COL11A1: variants seen among roughly 807,000 people sequenced by gnomAD.
The protein encoded by COL11A1 is collagen alpha-1(XI) chain.
COL11A1 carries 74 observed loss-of-function variants against 265.2 expected under a neutral mutation model. The ratio of observed to expected loss-of-function variants is 0.28; its 90% CI spans 0.23 to 0.34. COL11A1 has a LOEUF of 0.34. Among genes scored for constraint, COL11A1 ranks in the 10% least tolerant of loss-of-function variants. COL11A1 has a pLI of 1.00. For missense variants in COL11A1, 2,165 were observed against 2,263.6 expected (o/e 0.96, Z 0.88); for synonymous variants, 816 against 727.6 (o/e 1.12, Z -1.96).
At chr1:102,904,835 G>C (rs1653712870) in intron 54 of COL11A1, among the ~76,000 whole-genome samples, 1 of 152,036 alleles carries the variant, frequency 6.6e-6, no homozygotes, top group African/African-American at 2.4e-5. Context: ...CAGGGATCTA[G>C]AACTAGAAAT....
At chr1:102,989,454 C>A (rs1339970466) in intron 29 of COL11A1, 64 bp downstream of exon 29, 4 of 989,322 alleles carry the variant, frequency 4.0e-6, no homozygotes, top group Non-Finnish European at 4.3e-6. Flanking sequence ...TAAAGATAAG[C>A]AAAGGAAAAA....
chr1:103,079,148 CAGTAAATAT>C (rs773977049), intron 2 of COL11A1, among the ~76,000 whole-genome samples: 2 of 151,992 alleles, frequency 1.3e-5, no homozygotes, highest in Non-Finnish European at 2.9e-5. Flanking sequence ...ATTATGATAC[CAGTAAATAT>C]CAAACACATA....
chr1:103,024,834 T>C (rs999862634), intron 7 of COL11A1, among the ~76,000 whole-genome samples: 2 of 152,148 alleles, frequency 1.3e-5, no homozygotes, highest in Non-Finnish European at 2.9e-5. Context: ...CATTTCCTGA[T>C]AAAATTATAC....
intron 66 of COL11A1, among the ~76,000 whole-genome samples, chr1:102,878,475 C>CATATATATATACATATAT (rs1553191038): frequency 1.8e-4 from 9 of 49,862 alleles, no homozygotes; most frequent in Non-Finnish European, 3.1e-4. Flanking sequence ...ATTGAATCCT[C>CATATATATATACATATAT]ATATATATAT....
In COL11A1 at chr1:103,004,431, G is replaced by T. The variant is rs753344135; in HGVS notation, c.1944+13C>A. 6.2e-7 allele frequency: 1 copy of T among 1,601,102 alleles called. No individual in the cohort carries two copies. Among genetic ancestry groups the T allele is most frequent in the Non-Finnish European group, 8.5e-7 (1 of 1,170,138 alleles). On this transcript the variant is annotated intron_variant, in intron 20 of 66. Coordinates refer to ENST00000370096, the MANE Select transcript of COL11A1 (RefSeq NM_001854.4). ...TAGAAATATTACTTAAAAATAAAAA[G>T]TAAGTTGCTTACAGCTTCACCTGGA...
intron 54 of COL11A1, among the ~76,000 whole-genome samples, chr1:102,908,777 A>C (rs980641085): frequency 6.6e-6 from 1 of 152,082 alleles, no homozygotes; most frequent in South Asian, 2.1e-4. Flanking sequence ...AAATTATCTT[A>C]ATTTCTTATT....
At chr1:102,995,667 T>G (rs1664556148) in intron 28 of COL11A1, among the ~76,000 whole-genome samples, 197 bp downstream of exon 28, 2 of 151,826 alleles carry the variant, frequency 1.3e-5, no homozygotes, top group South Asian at 4.1e-4. Context: ...ATTTAGTTTC[T>G]GTTCTGGTAT....
At chr1:103,059,137 A>G (rs772827531) in intron 4 of COL11A1, among the ~76,000 whole-genome samples, 3 of 152,178 alleles carry the variant, frequency 2.0e-5, no homozygotes, top group Non-Finnish European at 2.9e-5. Flanking sequence ...GCATGATATA[A>G]CAATGTATGT....
At chr1:103,064,605 G>GATT (rs1670934216) in intron 4 of COL11A1, among the ~76,000 whole-genome samples, 1 of 151,152 alleles carries the variant, frequency 6.6e-6, no homozygotes, top group Non-Finnish European at 1.5e-5. Context: ...GCAGGAGAAT[G>GATT]GTGTGAACCC....
chr1:103,059,557 G>T (rs746089149), intron 4 of COL11A1, among the ~76,000 whole-genome samples: 1 of 152,176 alleles, frequency 6.6e-6, no homozygotes, highest in African/African-American at 2.4e-5. Context: ...TGGCAGAAAG[G>T]TTGGAATTAT....
chr1:103,077,001 T>G (rs1538047), intron 3 of COL11A1, among the ~76,000 whole-genome samples: 142,302 of 152,140 alleles, frequency 0.94, 66,797 homozygotes, highest in East Asian at 1. Flanking sequence ...AGTATGTCAC[T>G]TTTTAACTGT....
intron 4 of COL11A1, among the ~76,000 whole-genome samples, chr1:103,043,774 T>C (rs914238357): frequency 2.0e-5 from 3 of 152,040 alleles, no homozygotes; most frequent in African/African-American, 7.2e-5. Flanking sequence ...ATAATTTTTC[T>C]AAAAATAAGT....
intron 4 of COL11A1, among the ~76,000 whole-genome samples, chr1:103,060,194 A>C (rs1670562822): frequency 6.6e-6 from 1 of 152,134 alleles, no homozygotes; most frequent in Admixed American, 6.6e-5. Context: ...AGAGAGACTA[A>C]AGTGAAATAT....
rs200955390 is a variant in COL11A1 at position 103,003,179 on chromosome 1, C to T, written c.1998+36G>A. ...CTCTAAAAGGTTGGCAACAAGCTTTCCCTAGAAAATCTTCAATGTTTCCAG... is the reference window on the plus strand; with the variant it reads ...CTCTAAAAGGTTGGCAACAAGCTTTTCCTAGAAAATCTTCAATGTTTCCAG... On this transcript the variant is annotated intron_variant, in intron 21 of 66. Coordinates refer to ENST00000370096, the MANE Select transcript of COL11A1 (RefSeq NM_001854.4). 2.5e-6 allele frequency: 4 copies of T among 1,610,110 alleles called. No homozygotes were observed. The Admixed American group carries it at 5.0e-5, about 20-fold the overall frequency.
chr1:103,049,368 T>A (rs1267182216), intron 4 of COL11A1, among the ~76,000 whole-genome samples: 3 of 152,206 alleles, frequency 2.0e-5, no homozygotes, highest in African/African-American at 7.2e-5. Flanking sequence ...CTTCTTTGTC[T>A]CTTTTGATCT....
intron 46 of COL11A1, among the ~76,000 whole-genome samples, chr1:102,932,464 G>T (rs189291277): frequency 6.6e-6 from 1 of 152,176 alleles, no homozygotes; most frequent in Non-Finnish European, 1.5e-5. Context: ...GAGATCCGCT[G>T]TTAGTCTGAT....
At chr1:103,000,966 T>C (rs181124079) in intron 24 of COL11A1, 1 of 388,552 alleles carries the variant, frequency 2.6e-6, no homozygotes, top group African/African-American at 2.1e-5. Context: ...ACAGCATGGA[T>C]GAACCTAAAA....
At position 103,022,739 on chromosome 1, in the gene COL11A1, T is replaced by TA; in HGVS notation, c.1245+2dup. 6.2e-7 allele frequency: 1 copy of TA among 1,613,576 alleles called. No homozygotes were observed. Among genetic ancestry groups the TA allele is most frequent in the Non-Finnish European group, 8.5e-7 (1 of 1,179,946 alleles). The stretch of plus-strand genomic sequence containing the variant: ...AATGACACAGTGCATAGTATCAACT[T>TA]ACGCTTGTTTCTGTAATATCAGTTT... On this transcript the variant is annotated splice_region_variant and intron_variant, in intron 8 of 66. Transcript: ENST00000370096.
chr1:102,995,822 T>G, intron 28 of COL11A1, 42 bp downstream of exon 28: 1 of 1,488,244 alleles, frequency 6.7e-7, no homozygotes, highest in Non-Finnish European at 9.4e-7. Flanking sequence ...AATGTTAACA[T>G]AATACACAGA....
Sources: allele counts gnomAD v4.1 joint callset (sites outside exome capture counted in the v4.1 genomes callset), GRCh38; gene constraint gnomAD v4.1.1; transcripts MANE v1.5; gene names NCBI Gene and HGNC (gene_info 2026-07-23, HGNC 2026-07-21).